FUT8: variants seen among roughly 807,000 people sequenced by gnomAD.
FUT8 encodes the protein fucosyltransferase 8.
A neutral mutation model predicts 71.3 loss-of-function variants in FUT8; 29 were observed. The observed-to-expected ratio is 0.41, with a 90% CI of 0.30 to 0.55. The LOEUF is 0.55. Among genes scored for constraint, FUT8 ranks in the 20% least tolerant of loss-of-function variants. FUT8 has a pLI of 0.34. For missense variants in FUT8, 544 were observed against 702.1 expected (o/e 0.77, Z 2.55); for synonymous variants, 254 against 239.3 (o/e 1.06, Z -0.57).
intron 2 of FUT8, chr14:65,471,329 G>A (rs149045559): frequency 1.3e-5 from 2 of 155,034 alleles, no homozygotes; most frequent in African/African-American, 4.8e-5. Context: ...AAAGCCAGTT[G>A]GTTAGGTTCT....
rs541124129 is a variant in FUT8, at chr14:65,717,152, G to A, written c.836-4623G>A. On this transcript the variant is annotated intron_variant, in intron 7 of 10. Transcript: ENST00000673929. ...GCGCTCCTCATTTCCCAGATGGGGC[G>A]GCCGGGCAGAGGCGCTTCTCACCTC... 1.6e-3 allele frequency among the ~76,000 whole-genome samples: 203 copies of A among 126,440 alleles called. 2 individuals are homozygous for A. The highest frequency in any genetic ancestry group is 6.8e-3 in the Middle Eastern group (1 of 148). The allele number at this position is 126,440 out of a possible 152,430, so 82.9% of individuals were successfully genotyped here. A position where few individuals can be genotyped will look rare whatever the true frequency, so the allele number is the denominator to read the frequency against.
intron 2 of FUT8, among the ~76,000 whole-genome samples, chr14:65,487,581 A>AC (rs1000752329): frequency 1.7e-4 from 26 of 152,006 alleles, no homozygotes; most frequent in African/African-American, 6.3e-4. Context: ...AAAAAAAAAA[A>AC]AAAACTCAGT....
intron 6 of FUT8, among the ~76,000 whole-genome samples, chr14:65,644,199 C>T (rs1490068435): frequency 2.0e-5 from 3 of 152,036 alleles, no homozygotes; most frequent in Admixed American, 1.3e-4. Context: ...GGGGGAGTCA[C>T]CTGAAACCTA....
chr14:65,741,820 C>A (rs190656388), intron 10 of FUT8, among the ~76,000 whole-genome samples: 1 of 152,044 alleles, frequency 6.6e-6, no homozygotes, highest in African/African-American at 2.4e-5. Flanking sequence ...AATTCATATT[C>A]TTAAATTCTT....
chr14:65,500,604 G>A (rs749045023), intron 2 of FUT8, among the ~76,000 whole-genome samples: 14 of 152,152 alleles, frequency 9.2e-5, no homozygotes, highest in Middle Eastern at 3.4e-3. Context: ...TTTTCTTTTC[G>A]CTAGACTAAA....
intron 2 of FUT8, among the ~76,000 whole-genome samples, chr14:65,521,576 G>A (rs1011012611): frequency 1.9e-4 from 29 of 152,200 alleles, no homozygotes; most frequent in African/African-American, 6.3e-4. Context: ...ACATAGCTGT[G>A]GGGATATTCG....
At chr14:65,710,438 CTA>C (rs1320750969) in intron 7 of FUT8, among the ~76,000 whole-genome samples, 3 of 152,046 alleles carry the variant, frequency 2.0e-5, no homozygotes, top group Non-Finnish European at 2.9e-5. Context: ...ATAGCATGTA[CTA>C]TGTTATTTTC....
At chr14:65,612,227 T>C (rs1256114930) in intron 3 of FUT8, among the ~76,000 whole-genome samples, 1 of 152,214 alleles carries the variant, frequency 6.6e-6, no homozygotes, top group Admixed American at 6.5e-5. Flanking sequence ...TCTTAAATTT[T>C]GTTCTGGGAT....
intron 2 of FUT8, among the ~76,000 whole-genome samples, chr14:65,516,883 T>G (rs1270166466): frequency 6.6e-6 from 1 of 151,558 alleles, no homozygotes; most frequent in Non-Finnish European, 1.5e-5. Context: ...CGTTACTTAT[T>G]ATCTCCCCTT....
In FUT8 at chr14:65,733,257, A is replaced by G; in HGVS notation, c.1286A>G (p.Asp429Gly). ...TKYPNYEFIS[D>G]NSISWSAGLH... ...TACCCCAATTATGAATTTATTAGTGATAACTCTATTTCCTGGTCAGCTGGA... is the reference window on the plus strand; with the variant it reads ...TACCCCAATTATGAATTTATTAGTGGTAACTCTATTTCCTGGTCAGCTGGA... The change falls in exon 10 of 11, where the codon GAT becomes GGT. Residue 429 changes from aspartate to glycine, a missense_variant. Asp to Gly is a moderately conservative substitution (Grantham distance 94). Transcript: ENST00000673929. The G allele has an allele frequency of 6.2e-7, 1 of 1,601,624 alleles. No homozygotes were observed. The highest frequency in any genetic ancestry group is 8.5e-7 in the Non-Finnish European group (1 of 1,171,706).
intron 2 of FUT8, among the ~76,000 whole-genome samples, chr14:65,499,433 G>C (rs1484837547): frequency 6.6e-6 from 1 of 151,778 alleles, no homozygotes; most frequent in East Asian, 1.9e-4. Flanking sequence ...GTAGTACATG[G>C]GGCAAATTAT....
chr14:65,519,157 G>C (rs1190608903), intron 2 of FUT8, among the ~76,000 whole-genome samples: 1 of 152,200 alleles, frequency 6.6e-6, no homozygotes, highest in Non-Finnish European at 1.5e-5. Context: ...TTATGGTATG[G>C]AACATTTTAG....
At chr14:65,368,050 C>CTTT in the FUT8 span, among the ~76,000 whole-genome samples, 28 of 85,810 alleles carry the variant, frequency 3.3e-4, no homozygotes, top group African/African-American at 6.3e-4. Flanking sequence ...GGCAAAATTA[C>CTTT]TTTTTTTTTT....
chr14:65,577,020 A>T (rs911104670), intron 3 of FUT8, among the ~76,000 whole-genome samples: 3 of 148,630 alleles, frequency 2.0e-5, no homozygotes, highest in African/African-American at 7.4e-5. Context: ...AGCTAATTAA[A>T]TTTTTTTTTT....
At chr14:65,384,968 C>T in the FUT8 span, among the ~76,000 whole-genome samples, 1 of 151,634 alleles carries the variant, frequency 6.6e-6, no homozygotes, top group African/African-American at 2.4e-5. This position sits in a 1 kb window ranked among gnomAD's most constrained non-coding sequence, Gnocchi z 4.2. Context: ...CTCAGCTCAC[C>T]GCAACCTCCA....
In FUT8 at chr14:65,574,403, G is replaced by A. The variant is rs914686491; in HGVS notation, c.203+12637G>A. Among the ~76,000 whole-genome samples the A allele has an allele frequency of 6.6e-6, 1 of 152,026 alleles. No homozygotes were observed. The highest frequency in any genetic ancestry group is 6.6e-5 in the Admixed American group (1 of 15,258). On this transcript the variant is annotated intron_variant, in intron 3 of 10. Transcript: ENST00000673929. The surrounding 1 kb of genome is among the most constrained non-coding windows in gnomAD (Gnocchi z 5.2). ...CCACCAGAAGATAAAAATCAGTGGG[G>A]GCATCCTACAGTCAACCACCACAGC...
chr14:65,738,650 C>CT (rs1896343579), intron 10 of FUT8, among the ~76,000 whole-genome samples: 1 of 152,066 alleles, frequency 6.6e-6, no homozygotes, highest in Non-Finnish European at 1.5e-5. Flanking sequence ...TGCAAGCCTT[C>CT]ATTTACCTGC....
chr14:65,597,480 G>A (rs576841998), intron 3 of FUT8, among the ~76,000 whole-genome samples: 12 of 152,144 alleles, frequency 7.9e-5, no homozygotes, highest in South Asian at 4.2e-4. Context: ...AAAATTAGCC[G>A]GGCATGGTGG....
intron 6 of FUT8, among the ~76,000 whole-genome samples, chr14:65,650,314 A>C (rs1594859759): frequency 4.0e-5 from 6 of 149,722 alleles, no homozygotes. Flanking sequence ...AAAAAAAAAA[A>C]AAAAAAAAAA....
Sources: gnomAD v4.1 joint callset for allele counts (sites outside exome capture counted in the v4.1 genomes callset) on GRCh38, gnomAD v4.1.1 for gene constraint, Gnocchi (gnomAD v3.1) non-coding constraint, MANE v1.5 for transcripts, NCBI Gene and HGNC (gene_info 2026-07-23, HGNC 2026-07-21) for gene names.